Variants in ATP6V1E1 observed in about 807,000 individuals in gnomAD.
ATP6V1E1 encodes the protein ATPase H+ transporting V1 subunit E1.
Under a neutral mutation model 35.2 loss-of-function variants are expected in ATP6V1E1, and 21 were observed. The observed-to-expected ratio is 0.60, with a 90% CI of 0.42 to 0.86. The LOEUF (loss-of-function observed/expected upper bound fraction) is 0.86. Among genes scored for constraint, ATP6V1E1 ranks in the 40% least tolerant of loss-of-function variants. The pLI, the probability that ATP6V1E1 is intolerant of heterozygous loss-of-function variation, is 0.00. For synonymous variants in ATP6V1E1, 83 were observed against 87.8 expected, an observed-to-expected ratio of 0.95 and a Z score of 0.30; for missense variants, 183 against 272.6, an observed-to-expected ratio of 0.67 and a Z score of 2.32.
At chr22:17,627,665 T>A (rs1377918213) in intron 1 of ATP6V1E1, among the ~76,000 whole-genome samples, 7 of 149,418 alleles carry the variant, frequency 4.7e-5, no homozygotes, top group Non-Finnish European at 7.4e-5. Context: ...CTAAAAAAAA[T>A]ACAAAAATTA....
At chr22:17,601,794 A>G (rs1022937979) in intron 4 of ATP6V1E1, among the ~76,000 whole-genome samples, 2 of 152,218 alleles carry the variant, frequency 1.3e-5, no homozygotes, top group Non-Finnish European at 1.5e-5. Flanking sequence ...TTTAGTAGAG[A>G]CAAGGTTTCA....
intron 1 of ATP6V1E1, among the ~76,000 whole-genome samples, chr22:17,622,691 T>C (rs2160628): frequency 0.57 from 87,119 of 152,030 alleles, 27,382 homozygotes; most frequent in African/African-American, 0.84. Flanking sequence ...ACTGCCTGGG[T>C]ATGGTGGCTC....
intron 6 of ATP6V1E1, 63 bp downstream of exon 6, chr22:17,599,964 A>T: frequency 1.9e-6 from 2 of 1,065,676 alleles, no homozygotes; most frequent in Non-Finnish European, 2.6e-6. Context: ...AAAGAAAGAG[A>T]GAGGGGAAGG....
intron 7 of ATP6V1E1, among the ~76,000 whole-genome samples, chr22:17,595,759 T>C (rs1470774613): frequency 4.7e-5 from 7 of 150,052 alleles, no homozygotes; most frequent in Non-Finnish European, 1.0e-4. Context: ...AGGCAGAGGT[T>C]GCAGCAAGCC....
At chr22:17,616,124 G>T (rs2057843233) in intron 2 of ATP6V1E1, among the ~76,000 whole-genome samples, 2 of 151,806 alleles carry the variant, frequency 1.3e-5, no homozygotes, top group Non-Finnish European at 2.9e-5. Context: ...GAAGCTGGAG[G>T]ATCATGAGGT....
At position 17,619,520 on chromosome 22, in the gene ATP6V1E1, GC is replaced by G; in HGVS notation, c.39del (p.Lys13AsnfsTer3). 3.8e-6 allele frequency: 6 copies of G among 1,594,592 alleles called. No individual in the cohort carries two copies. Among genetic ancestry groups the G allele is most frequent in the Non-Finnish European group, 5.1e-6 (6 of 1,172,314 alleles). The stretch of plus-strand genomic sequence containing the variant: ...TCTTGTTCAATGAAAGCCATCATAT[GC>G]TTTATCTATAAGGAAAAAAAGTTTT... ...LSDADVQKQI[K>X]HMMAFIEQEA... On this transcript the variant is annotated frameshift_variant, in exon 2 of 9. Transcript: ENST00000253413. LOFTEE classifies it high-confidence loss of function.
intron 1 of ATP6V1E1, among the ~76,000 whole-genome samples, chr22:17,624,139 G>T (rs1021746201): frequency 6.6e-6 from 1 of 152,114 alleles, no homozygotes; most frequent in African/African-American, 2.4e-5. Context: ...TCTACTATGG[G>T]CTTGGTGCTT....
rs543558863 is a variant in ATP6V1E1, at chr22:17,624,371, T to C, written c.33+4232A>G. Among the ~76,000 whole-genome samples the C allele has an allele frequency of 4.1e-4, 62 of 152,126 alleles. No homozygotes were observed. In the South Asian group the frequency reaches 0.011, roughly 27 times the overall value. On this transcript the variant is annotated intron_variant, in intron 1 of 8. Coordinates refer to ENST00000253413, the MANE Select transcript of ATP6V1E1 (RefSeq NM_001696.4). ...GAGTTCGAGACCAGCCTGGCCAACA[T>C]GGTGAAACCCCATCTCTACTAAAAA...
Position 17,597,008 on chromosome 22 carries a change from C to T in ATP6V1E1, c.530+1186G>A, listed in dbSNP as rs143600794. On this transcript the variant is annotated intron_variant, in intron 7 of 8. Coordinates refer to ENST00000253413, the MANE Select transcript of ATP6V1E1 (RefSeq NM_001696.4). The stretch of plus-strand genomic sequence containing the variant: ...CTGTAATCCCAGCACTTTGGGAGGC[C>T]GAGCGGGCAGATCACGAGGTCAGGA... Among the ~76,000 whole-genome samples, 262 of 151,936 alleles carry T rather than the reference C, an allele frequency of 1.7e-3. 3 individuals are homozygous for T. The highest frequency in any genetic ancestry group is 6.0e-3 in the African/African-American group (247 of 41,320).
At chr22:17,620,216 C>T (rs866695115) in intron 1 of ATP6V1E1, among the ~76,000 whole-genome samples, 5 of 150,074 alleles carry the variant, frequency 3.3e-5, no homozygotes, top group African/African-American at 9.8e-5. Flanking sequence ...GGCATGATCT[C>T]GGCTCACTGC....
intron 3 of ATP6V1E1, 52 bp downstream of exon 3, chr22:17,613,159 T>C (rs1371691263): frequency 1.3e-5 from 19 of 1,519,074 alleles, no homozygotes; most frequent in Non-Finnish European, 1.7e-5. Flanking sequence ...AAGCGCCTGC[T>C]CATGACTTCA....
intron 5 of ATP6V1E1, 25 bp downstream of exon 5, chr22:17,601,067 C>T (rs2146299096): frequency 6.3e-7 from 1 of 1,594,588 alleles, no homozygotes; most frequent in Non-Finnish European, 8.6e-7. Flanking sequence ...TGGCTATCAA[C>T]AGTAGATCTG....
At chr22:17,605,333 C>T (rs2057781336) in intron 4 of ATP6V1E1, among the ~76,000 whole-genome samples, 1 of 151,800 alleles carries the variant, frequency 6.6e-6, no homozygotes, top group African/African-American at 2.4e-5. Context: ...GAGTTTGAGA[C>T]CGGCCTGGCC....
At chr22:17,596,788 T>C (rs2057734619) in intron 7 of ATP6V1E1, among the ~76,000 whole-genome samples, 1 of 152,096 alleles carries the variant, frequency 6.6e-6, no homozygotes, top group Non-Finnish European at 1.5e-5. Context: ...ATGTACTATC[T>C]CATCTTTTTT....
rs141022244 is a variant in ATP6V1E1 at position 17,602,359 on chromosome 22, G to T, written c.277-1178C>A. 3.8e-3 allele frequency among the ~76,000 whole-genome samples: 569 copies of T among 151,280 alleles called. 3 individuals carry two copies. Among genetic ancestry groups the T allele is most frequent in the African/African-American group, 0.013 (536 of 41,162 alleles). Reference sequence around the variant, plus strand: ...TCATTTGTTAAGTAATAAGGCTTAAGGGCTAAAAGAAAACTCAAGGCTTTT... The same window carrying T: ...TCATTTGTTAAGTAATAAGGCTTAATGGCTAAAAGAAAACTCAAGGCTTTT... On this transcript the variant is annotated intron_variant, in intron 4 of 8. Transcript: ENST00000253413.
intron 2 of ATP6V1E1, among the ~76,000 whole-genome samples, chr22:17,617,219 G>A (rs2057850759): frequency 6.6e-6 from 1 of 152,048 alleles, no homozygotes; most frequent in Non-Finnish European, 1.5e-5. Context: ...AGAGTACCAG[G>A]CACATAAAAA....
chr22:17,622,663 GAAAGA>G (rs2057883733), intron 1 of ATP6V1E1, among the ~76,000 whole-genome samples: 1 of 152,032 alleles, frequency 6.6e-6, no homozygotes, highest in African/African-American at 2.4e-5. Context: ...ACAAAAAAAA[GAAAGA>G]AAAGAAAACA....
At position 17,613,203 on chromosome 22, in the gene ATP6V1E1, C is replaced by CT; in HGVS notation, c.209+7dup. The CT allele has an allele frequency of 1.2e-6, 2 of 1,606,580 alleles. No individual in the cohort carries two copies. Among genetic ancestry groups the CT allele is most frequent in the Non-Finnish European group, 1.7e-6 (2 of 1,175,484 alleles). ...CTTAGCTTAATACTGCAACCAGGAT[C>CT]TACTTACATTTTCTTCTGCTGCTCA... On this transcript the variant is annotated splice_region_variant and intron_variant, in intron 3 of 8. Coordinates refer to ENST00000253413, the MANE Select transcript of ATP6V1E1 (RefSeq NM_001696.4).
chr22:17,626,583 C>T (rs1379999988), intron 1 of ATP6V1E1, among the ~76,000 whole-genome samples: 1 of 150,926 alleles, frequency 6.6e-6, no homozygotes, highest in South Asian at 2.1e-4. Context: ...GTTGCCCAGG[C>T]AGCAATGGTG....
Sources: gnomAD v4.1 joint callset for allele counts (sites outside exome capture counted in the v4.1 genomes callset) on GRCh38, gnomAD v4.1.1 for gene constraint, MANE v1.5 for transcripts, NCBI Gene and HGNC (gene_info 2026-07-23, HGNC 2026-07-21) for gene names.